The following GTF2F2 variants were observed in gnomAD, a reference collection of about 807,000 sequenced individuals.
The protein encoded by GTF2F2 is ATP-dependent helicase GTF2F2.
In GTF2F2, 23 loss-of-function variants were observed where a neutral mutation model predicts 42.2. That is an observed-to-expected ratio of 0.55 (90% CI 0.39 to 0.77). GTF2F2 has a LOEUF of 0.77. Ranked by LOEUF, GTF2F2 falls within the 30% of genes least tolerant of loss-of-function variation. The pLI, the probability that GTF2F2 is intolerant of heterozygous loss-of-function variation, is 0.00. For synonymous variants in GTF2F2, 105 were observed against 100.8 expected (o/e 1.04, Z -0.25); for missense variants, 261 against 287.2 (o/e 0.91, Z 0.66).
chr13:45,157,540 G>C (rs1166080579), intron 4 of GTF2F2, among the ~76,000 whole-genome samples: 1 of 148,884 alleles, frequency 6.7e-6, no homozygotes, highest in East Asian at 2.0e-4. Context: ...ACAGAAGCTT[G>C]GATTAGAGTG....
intron 7 of GTF2F2, among the ~76,000 whole-genome samples, chr13:45,279,276 T>A (rs1877161877): frequency 6.6e-6 from 1 of 152,188 alleles, no homozygotes; most frequent in Non-Finnish European, 1.5e-5. Context: ...AGAAATAAGA[T>A]TACCAAGTAA....
intron 5 of GTF2F2, among the ~76,000 whole-genome samples, chr13:45,243,386 T>G (rs1875419752): frequency 6.6e-6 from 1 of 152,180 alleles, no homozygotes; most frequent in Non-Finnish European, 1.5e-5. Flanking sequence ...TATTGTAAAC[T>G]GCAACTCCGA....
chr13:45,234,764 A>G (rs1021555739), intron 5 of GTF2F2, among the ~76,000 whole-genome samples: 1 of 152,124 alleles, frequency 6.6e-6, no homozygotes, highest in Non-Finnish European at 1.5e-5. Context: ...AAAGATGGTC[A>G]TGCCAGTGCG....
intron 5 of GTF2F2, among the ~76,000 whole-genome samples, chr13:45,238,431 G>C (rs76477948): frequency 6.6e-6 from 1 of 152,022 alleles, no homozygotes; most frequent in African/African-American, 2.4e-5. Context: ...CTTTATGCCT[G>C]TACTAAAATA....
intron 4 of GTF2F2, chr13:45,194,653 A>C: frequency 8.1e-7 from 1 of 1,231,444 alleles, no homozygotes; most frequent in Non-Finnish European, 1.1e-6. Flanking sequence ...GCCTTTATTC[A>C]GCCCCAGCCT....
At chr13:45,236,053 TTTAA>T (rs1164077031) in intron 5 of GTF2F2, among the ~76,000 whole-genome samples, 1 of 152,242 alleles carries the variant, frequency 6.6e-6, no homozygotes. Context: ...TCTAGATGCA[TTTAA>T]TTGTTTTCTA....
chr13:45,283,675 T>C lies in GTF2F2; in HGVS notation c.*114T>C. ...TAATAGGGGTTAAGTGACAGTACTTTGATTTCTCTCGGTAAATTTTTTAAA... is the reference window on the plus strand; with the variant it reads ...TAATAGGGGTTAAGTGACAGTACTTCGATTTCTCTCGGTAAATTTTTTAAA... On this transcript the variant is annotated 3_prime_UTR_variant, in exon 8 of 8. Coordinates refer to ENST00000340473, the MANE Select transcript of GTF2F2 (RefSeq NM_004128.3). 1 of 809,930 alleles carries C rather than the reference T, an allele frequency of 1.2e-6. No individual in the cohort carries two copies. Among genetic ancestry groups the C allele is most frequent in the African/African-American group, 1.8e-5 (1 of 56,266 alleles). The allele number at this position is 809,930 out of a possible 1,614,324, so 50.2% of individuals were successfully genotyped here. A position where few individuals can be genotyped will look rare whatever the true frequency, so the allele number is the denominator to read the frequency against.
At chr13:45,258,968 A>G (rs1876213894) in intron 6 of GTF2F2, among the ~76,000 whole-genome samples, 1 of 152,216 alleles carries the variant, frequency 6.6e-6, no homozygotes, top group South Asian at 2.1e-4. Context: ...TGAACATCGT[A>G]TCTAGCCTAT....
At chr13:45,230,864 C>G (rs1483045140) in intron 5 of GTF2F2, among the ~76,000 whole-genome samples, 2 of 152,056 alleles carry the variant, frequency 1.3e-5, no homozygotes, top group Non-Finnish European at 2.9e-5. Context: ...AATGTAAATT[C>G]ATAAGGATAA....
At chr13:45,281,279 C>T (rs2138281045) in intron 7 of GTF2F2, among the ~76,000 whole-genome samples, 1 of 152,218 alleles carries the variant, frequency 6.6e-6, no homozygotes, top group Non-Finnish European at 1.5e-5. Context: ...GGGAAGGCTG[C>T]CCACGAGAGA....
intron 7 of GTF2F2, among the ~76,000 whole-genome samples, chr13:45,272,140 G>A (rs1876820073): frequency 6.7e-6 from 1 of 149,288 alleles, no homozygotes; most frequent in African/African-American, 2.4e-5. Context: ...TCCCAACAGA[G>A]CATATTGACA....
intron 3 of GTF2F2, among the ~76,000 whole-genome samples, chr13:45,150,467 G>C (rs955591630): frequency 1.3e-5 from 2 of 151,964 alleles, no homozygotes; most frequent in African/African-American, 4.8e-5. Flanking sequence ...AAGCTTTTCA[G>C]AGTAAATAGT....
chr13:45,245,669 ATAT>A (rs1566149405), intron 5 of GTF2F2, among the ~76,000 whole-genome samples: 2,977 of 31,104 alleles, frequency 0.096, 107 homozygotes, highest in East Asian at 0.41. Context: ...TGGTGTGAAT[ATAT>A]ATATATATAT....
intron 5 of GTF2F2, among the ~76,000 whole-genome samples, chr13:45,221,253 G>C (rs1874100786): frequency 6.6e-6 from 1 of 152,038 alleles, no homozygotes; most frequent in Non-Finnish European, 1.5e-5. Context: ...TTCTTGACAA[G>C]ACACATCTAG....
chr13:45,143,914 T>G (rs1870057825), intron 2 of GTF2F2, among the ~76,000 whole-genome samples: 1 of 152,170 alleles, frequency 6.6e-6, no homozygotes, highest in Non-Finnish European at 1.5e-5. Context: ...TGGATTATTT[T>G]TGTATCTTTG....
At chr13:45,231,100 T>A (rs1874655724) in intron 5 of GTF2F2, among the ~76,000 whole-genome samples, 1 of 151,634 alleles carries the variant, frequency 6.6e-6, no homozygotes, top group South Asian at 2.1e-4. Context: ...ATTTATTTTT[T>A]TATTTATTAT....
chr13:45,221,190 T>G lies in GTF2F2; in HGVS notation c.386+13685T>G, dbSNP rs1593499081. Among the ~76,000 whole-genome samples, 8 of 152,212 alleles carry G rather than the reference T, an allele frequency of 5.3e-5. 2 individuals carry two copies. Among genetic ancestry groups the G allele is most frequent in the Admixed American group, 5.2e-4 (8 of 15,274 alleles). On this transcript the variant is annotated intron_variant, in intron 5 of 7. Coordinates refer to ENST00000340473, the MANE Select transcript of GTF2F2 (RefSeq NM_004128.3). The stretch of plus-strand genomic sequence containing the variant: ...CCTCCCTGCCCCCAGTCTTACCCAT[T>G]TTTTACGCAGTTTCTCAGGTAAAAA...
rs1593526908 is a variant in GTF2F2, at chr13:45,267,164, G to C, written c.487-69G>C. 12 of 1,142,000 alleles carry C rather than the reference G, an allele frequency of 1.1e-5. No homozygotes were observed. In the Middle Eastern group the frequency reaches 9.2e-4, roughly 88 times the overall value. 70.7% of individuals were successfully genotyped at this position (1,142,000 alleles called of 1,614,324 possible). On this transcript the variant is annotated intron_variant, in intron 6 of 7. Transcript: ENST00000340473. ...AACTCTGTCTCAAAAAAAAAAAAAA[G>C]AGAATGCCTGTGTTTTAGAGTGAGC...
intron 5 of GTF2F2, among the ~76,000 whole-genome samples, chr13:45,237,399 A>G (rs1875046545): frequency 6.6e-6 from 1 of 152,210 alleles, no homozygotes; most frequent in African/African-American, 2.4e-5. Flanking sequence ...TCCAATATGT[A>G]AACTAAATAA....
Sources: gnomAD v4.1 joint callset for allele counts (sites outside exome capture counted in the v4.1 genomes callset) on GRCh38, gnomAD v4.1.1 for gene constraint, MANE v1.5 for transcripts, NCBI Gene and HGNC (gene_info 2026-07-23, HGNC 2026-07-21) for gene names.